The following MCC variants were observed in gnomAD, a reference collection of about 807,000 sequenced individuals.
The protein encoded by MCC is colorectal mutant cancer protein.
MCC carries 90 observed loss-of-function variants against 116.2 expected under a neutral mutation model. The observed-to-expected ratio is 0.77, with a 90% CI of 0.65 to 0.92. The LOEUF is 0.92. Among genes scored for constraint, MCC ranks in the 40% least tolerant of loss-of-function variants. The probability of loss-of-function intolerance (pLI) is 0.00; values close to 1 mark genes in which losing one functional copy is unlikely to be tolerated. For missense variants in MCC, 1,516 were observed against 1,312.2 expected (o/e 1.16, Z -2.40); for synonymous variants, 578 against 510.5 (o/e 1.13, Z -1.78).
chr5:113,242,594 A>G (rs1333902897), intron 3 of MCC, among the ~76,000 whole-genome samples: 2 of 152,082 alleles, frequency 1.3e-5, no homozygotes, highest in Non-Finnish European at 2.9e-5. Context: ...TGACTCATCA[A>G]TGAAGCAGCT....
At chr5:113,182,199 G>C (rs900311108) in intron 3 of MCC, among the ~76,000 whole-genome samples, 2 of 152,214 alleles carry the variant, frequency 1.3e-5, no homozygotes, top group African/African-American at 2.4e-5. Flanking sequence ...TAGTAGAGAA[G>C]GGACTGAACT....
intron 1 of MCC, among the ~76,000 whole-genome samples, chr5:113,480,467 A>T (rs1453742302): frequency 3.3e-5 from 5 of 152,222 alleles, no homozygotes; most frequent in Non-Finnish European, 7.3e-5. Context: ...CACAGTTACC[A>T]TTGCTTGTTC....
chr5:113,245,199 G>T (rs1459249895), intron 3 of MCC, among the ~76,000 whole-genome samples: 1 of 151,590 alleles, frequency 6.6e-6, no homozygotes, highest in Non-Finnish European at 1.5e-5. Context: ...GGCCGAGGCA[G>T]GAGAACGGCT....
At chr5:113,213,757 G>A (rs1313888080) in intron 3 of MCC, among the ~76,000 whole-genome samples, 1 of 152,136 alleles carries the variant, frequency 6.6e-6, no homozygotes, top group Non-Finnish European at 1.5e-5. Flanking sequence ...CCTGACACGT[G>A]TTCTCTTTCA....
intron 1 of MCC, among the ~76,000 whole-genome samples, chr5:113,466,195 T>C (rs902635971): frequency 2.6e-5 from 4 of 151,560 alleles, no homozygotes; most frequent in Non-Finnish European, 5.9e-5. Flanking sequence ...ATTTTATTAT[T>C]ATTATACTTT....
At chr5:113,076,968 C>T (rs142599995) in intron 11 of MCC, among the ~76,000 whole-genome samples, 176 of 152,178 alleles carry the variant, frequency 1.2e-3, no homozygotes, top group African/African-American at 4.0e-3. Flanking sequence ...GAAGATCTAC[C>T]AAGCAAATGG....
chr5:113,238,387 A>G (rs920070490), intron 3 of MCC, among the ~76,000 whole-genome samples: 2 of 152,214 alleles, frequency 1.3e-5, no homozygotes, highest in Non-Finnish European at 2.9e-5. Context: ...ATTTCATTCC[A>G]GTCTTTTCTC....
chr5:113,180,239 C>G (rs1446427477), intron 3 of MCC, among the ~76,000 whole-genome samples: 1 of 152,116 alleles, frequency 6.6e-6, no homozygotes, highest in Non-Finnish European at 1.5e-5. Flanking sequence ...TGTTTTATTG[C>G]TATTTCTTCT....
rs192139353 is a variant in MCC, at chr5:113,212,842, C to T, written c.628-61420G>A. Among the ~76,000 whole-genome samples the T allele has an allele frequency of 1.8e-3, 271 of 152,270 alleles. 1 individual carries two copies. Among genetic ancestry groups the T allele is most frequent in the African/African-American group, 3.5e-3 (146 of 41,572 alleles). On this transcript the variant is annotated intron_variant, in intron 3 of 18. Transcript: ENST00000408903. ...CCCCCTCTAACTATGGCTAAAAGGACGAAAAACAGACAAAAACAAAATCCA... is the reference window on the plus strand; with the variant it reads ...CCCCCTCTAACTATGGCTAAAAGGATGAAAAACAGACAAAAACAAAATCCA...
At chr5:113,204,546 G>C (rs950969054) in intron 3 of MCC, 4 of 152,010 alleles carry the variant, frequency 2.6e-5, no homozygotes, top group African/African-American at 9.7e-5. Flanking sequence ...CTGTTCTCTC[G>C]TCTCTGTTCA....
rs376375820 is a variant in MCC at position 113,434,549 on chromosome 5, G to A, written c.171-49337C>T. On this transcript the variant is annotated intron_variant, in intron 1 of 18. Coordinates refer to ENST00000408903, the MANE Select transcript of MCC (RefSeq NM_001085377.2). This position sits in a 1 kb window ranked among gnomAD's most constrained non-coding sequence, Gnocchi z 4.2. ...CCCGGGTTTTGATTAACTCGAGGAG[G>A]TCGCCCTGGACCGCGAGCTCCATGA... is the stretch of plus-strand genomic sequence containing the variant. 3.3e-4 allele frequency: 525 copies of A among 1,613,306 alleles called. 2 individuals are homozygous for A. In the African/African-American group the frequency reaches 5.6e-3, roughly 17 times the overall value.
chr5:113,439,837 G>A (rs1232816122), intron 1 of MCC, among the ~76,000 whole-genome samples: 3 of 152,152 alleles, frequency 2.0e-5, no homozygotes, highest in African/African-American at 4.8e-5. Context: ...CTTAGCAAGT[G>A]TTGGCTTTTA....
At position 113,306,351 on chromosome 5, in the gene MCC, T is replaced by C. The variant is rs376033774; in HGVS notation, c.627+34168A>G. 8.4e-4 allele frequency among the ~76,000 whole-genome samples: 128 copies of C among 152,350 alleles called. 2 individuals are homozygous for C. Among genetic ancestry groups the C allele is most frequent in the African/African-American group, 2.9e-3 (120 of 41,578 alleles). ...TACCAAATTACTATAATTTCCAAGA[T>C]GGCTGCACCATTTCACATTCCCACT... On this transcript the variant is annotated intron_variant, in intron 3 of 18. Coordinates refer to ENST00000408903, the MANE Select transcript of MCC (RefSeq NM_001085377.2).
At chr5:113,157,039 G>A (rs921706353) in intron 3 of MCC, among the ~76,000 whole-genome samples, 4 of 152,074 alleles carry the variant, frequency 2.6e-5, no homozygotes, top group Admixed American at 2.0e-4. Context: ...TGTCTATTCC[G>A]TTACATATCT....
chr5:113,469,012 T>G (rs1771999474), intron 1 of MCC, among the ~76,000 whole-genome samples: 1 of 152,254 alleles, frequency 6.6e-6, no homozygotes, highest in South Asian at 2.1e-4. Context: ...TGTACTTCTG[T>G]GGGATCGGTG....
rs563044782 is a variant in MCC, at chr5:113,071,137, A to G, written c.1882T>C (p.Tyr628His). The part of the protein sequence containing the change: ...AERMSMLVGK[Y>H]ESNATALRLA... ...CTCAGCGCTGTGGCATTGGATTCGT[A>G]TTTTCCCACCAGCATGCTCATCCTC... Residue 628 changes from tyrosine to histidine, a missense_variant, in exon 12 of 19, where the codon TAC becomes CAC. By Grantham distance (83) the Tyr-to-His change is moderately conservative. Transcript: ENST00000408903. The G allele has an allele frequency of 5.6e-6, 9 of 1,613,974 alleles. No homozygotes were observed. Among genetic ancestry groups the G allele is most frequent in the South Asian group, 3.3e-5 (3 of 91,052 alleles).
At chr5:113,402,606 C>T (rs1769722979) in intron 1 of MCC, among the ~76,000 whole-genome samples, 2 of 152,086 alleles carry the variant, frequency 1.3e-5, no homozygotes, top group African/African-American at 4.8e-5. Context: ...CTACTTTACA[C>T]TTTTTTAAGG....
At chr5:113,311,960 G>A (rs1208559983) in intron 3 of MCC, among the ~76,000 whole-genome samples, 1 of 152,148 alleles carries the variant, frequency 6.6e-6, no homozygotes, top group African/African-American at 2.4e-5. Flanking sequence ...ACAAAAATTA[G>A]CTGGGTGTGA....
chr5:113,485,324 G>A (rs1772490862), intron 1 of MCC, among the ~76,000 whole-genome samples: 1 of 152,160 alleles, frequency 6.6e-6, no homozygotes, highest in East Asian at 1.9e-4. Flanking sequence ...GGGATGGGGG[G>A]TTTATTATAG....
Sources: allele counts gnomAD v4.1 joint callset (sites outside exome capture counted in the v4.1 genomes callset), GRCh38; gene constraint gnomAD v4.1.1; non-coding constraint Gnocchi (gnomAD v3.1); transcripts MANE v1.5; gene names NCBI Gene and HGNC (gene_info 2026-07-23, HGNC 2026-07-21).